The following PDZRN4 variants were observed in gnomAD, a reference collection of about 807,000 sequenced individuals.
PDZRN4 encodes PDZ domain containing ring finger 4, also known as PDZ domain-containing RING finger protein 4.
In PDZRN4, 70 loss-of-function variants were observed where a neutral mutation model predicts 99.0. That is an observed-to-expected ratio of 0.71 (90% CI 0.58 to 0.86). The LOEUF (loss-of-function observed/expected upper bound fraction) is 0.86. Ranked by LOEUF, PDZRN4 falls within the 40% of genes least tolerant of loss-of-function variation. The pLI is 0.00. For synonymous variants in PDZRN4, 551 were observed against 501.6 expected, an observed-to-expected ratio of 1.10 and a Z score of -1.32; for missense variants, 1,474 against 1,331.2, an observed-to-expected ratio of 1.11 and a Z score of -1.67.
At chr12:41,384,633 C>A (rs533580473) in intron 3 of PDZRN4, among the ~76,000 whole-genome samples, 1 of 152,114 alleles carries the variant, frequency 6.6e-6, no homozygotes, top group Non-Finnish European at 1.5e-5. Context: ...TAACTGTTGA[C>A]TCTCTCTTAT....
At chr12:41,570,535 A>C (rs999203377) in intron 9 of PDZRN4, among the ~76,000 whole-genome samples, 1 of 152,198 alleles carries the variant, frequency 6.6e-6, no homozygotes, top group African/African-American at 2.4e-5. Context: ...TACATTGTGC[A>C]ACATCTCCCA....
At chr12:41,433,696 T>C (rs1430227936) in intron 3 of PDZRN4, among the ~76,000 whole-genome samples, 1 of 152,176 alleles carries the variant, frequency 6.6e-6, no homozygotes, top group African/African-American at 2.4e-5. Flanking sequence ...CAAGCCATCA[T>C]CTGAAATTTA....
At chr12:41,278,666 T>A (rs530255932) in intron 3 of PDZRN4, among the ~76,000 whole-genome samples, 69 of 152,194 alleles carry the variant, frequency 4.5e-4, no homozygotes, top group Non-Finnish European at 7.9e-4. Flanking sequence ...TCATTCAAAG[T>A]TAAACCTTGT....
intron 3 of PDZRN4, among the ~76,000 whole-genome samples, chr12:41,285,215 C>T (rs1417060024): frequency 1.3e-5 from 2 of 152,246 alleles, no homozygotes; most frequent in Non-Finnish European, 2.9e-5. Flanking sequence ...ACAGACACTT[C>T]TCAAAAGAAG....
At chr12:41,264,119 C>T (rs1951261929) in intron 3 of PDZRN4, among the ~76,000 whole-genome samples, 1 of 152,152 alleles carries the variant, frequency 6.6e-6, no homozygotes, top group African/African-American at 2.4e-5. Context: ...TATCATTTAG[C>T]TGCCATATAA....
chr12:41,309,961 C>G (rs779858376), intron 3 of PDZRN4, among the ~76,000 whole-genome samples: 4 of 151,664 alleles, frequency 2.6e-5, no homozygotes, highest in Admixed American at 6.6e-5. Flanking sequence ...GAGACAGAGT[C>G]TTACTCTGTC....
chr12:41,337,862 G>A (rs1951787135), intron 3 of PDZRN4, among the ~76,000 whole-genome samples: 1 of 152,104 alleles, frequency 6.6e-6, no homozygotes, highest in Admixed American at 6.6e-5. Context: ...AGGATGCTGG[G>A]CCATCAACAT....
At position 41,237,919 on chromosome 12, in the gene PDZRN4, T is replaced by C. The variant is rs189796462; in HGVS notation, c.843+43731T>C. On this transcript the variant is annotated intron_variant, in intron 3 of 9. Coordinates refer to ENST00000402685, the MANE Select transcript of PDZRN4 (RefSeq NM_001164595.2). ...GGTAGCGTGATGCCTCCAGCTTTGT[T>C]CTTTTTGCTTAGGATTGTCTTGGCT... is the stretch of plus-strand genomic sequence containing the variant. 1.9e-3 allele frequency among the ~76,000 whole-genome samples: 282 copies of C among 152,302 alleles called. 1 individual carries two copies. Among genetic ancestry groups the C allele is most frequent in the African/African-American group, 6.4e-3 (267 of 41,558 alleles).
intron 3 of PDZRN4, among the ~76,000 whole-genome samples, chr12:41,286,769 C>T (rs1420434139): frequency 6.6e-6 from 1 of 152,086 alleles, no homozygotes; most frequent in Non-Finnish European, 1.5e-5. Context: ...ATAGCAGCAG[C>T]TTAGGATTTC....
chr12:41,365,792 C>T (rs1376567423), intron 3 of PDZRN4, among the ~76,000 whole-genome samples: 1 of 152,060 alleles, frequency 6.6e-6, no homozygotes, highest in African/African-American at 2.4e-5. Flanking sequence ...CAAAGCTGAT[C>T]AGAGCAAACA....
At chr12:41,345,337 T>C (rs1431567041) in intron 3 of PDZRN4, among the ~76,000 whole-genome samples, 2 of 152,160 alleles carry the variant, frequency 1.3e-5, no homozygotes. Flanking sequence ...CTCCCCCTCC[T>C]GTCGGTGTGT....
chr12:41,506,750 TCCATTTGTCA>T, intron 4 of PDZRN4, 38 bp downstream of exon 4: 3 of 1,568,898 alleles, frequency 1.9e-6, no homozygotes, highest in Non-Finnish European at 2.6e-6. Flanking sequence ...CCTGTTTGTT[TCCATTTGTCA>T]CGTAAAGCAG....
At chr12:41,328,252 G>T (rs1951722228) in intron 3 of PDZRN4, among the ~76,000 whole-genome samples, 1 of 152,192 alleles carries the variant, frequency 6.6e-6, no homozygotes, top group East Asian at 1.9e-4. Context: ...TTTGGTATTT[G>T]ATGGCTATGC....
intron 3 of PDZRN4, chr12:41,438,003 A>C (rs764738743): frequency 5.0e-6 from 8 of 1,613,910 alleles, no homozygotes; most frequent in Non-Finnish European, 6.8e-6. Context: ...CTGCTGTATG[A>C]AGTTTCCCAG....
intron 8 of PDZRN4, 134 bp from the exon 9 acceptor site, chr12:41,567,649 C>A: frequency 1.2e-5 from 4 of 320,186 alleles, no homozygotes; most frequent in Non-Finnish European, 1.1e-5. Context: ...GAGAGGTGAA[C>A]TGTGGGAGGC....
At chr12:41,523,015 G>A (rs1466444845) in intron 5 of PDZRN4, among the ~76,000 whole-genome samples, 2 of 152,060 alleles carry the variant, frequency 1.3e-5, no homozygotes, top group South Asian at 2.1e-4. Context: ...CTTATTGGAA[G>A]AGAAGTTGTA....
chr12:41,383,638 G>A (rs370845577), intron 3 of PDZRN4, among the ~76,000 whole-genome samples: 2 of 152,074 alleles, frequency 1.3e-5, no homozygotes, highest in South Asian at 2.1e-4. Flanking sequence ...TGTTATTAAT[G>A]TTTGCTATTA....
intron 3 of PDZRN4, among the ~76,000 whole-genome samples, chr12:41,366,056 C>A: frequency 6.6e-6 from 1 of 152,100 alleles, no homozygotes; most frequent in Non-Finnish European, 1.5e-5. Flanking sequence ...CTGCTCCCAC[C>A]ACAGATTGCT....
chr12:41,427,372 A>C (rs1952546002), intron 3 of PDZRN4, among the ~76,000 whole-genome samples: 1 of 152,190 alleles, frequency 6.6e-6, no homozygotes, highest in Non-Finnish European at 1.5e-5. Context: ...TGCAGCAGGC[A>C]CTGGGTAAAG....
Sources: allele counts gnomAD v4.1 joint callset (sites outside exome capture counted in the v4.1 genomes callset), GRCh38; gene constraint gnomAD v4.1.1; transcripts MANE v1.5; gene names NCBI Gene and HGNC (gene_info 2026-07-23, HGNC 2026-07-21).